The following ANGPT1 variants were observed in gnomAD, a reference collection of about 807,000 sequenced individuals.
ANGPT1 encodes the protein angiopoietin-1.
Under a neutral mutation model 62.2 loss-of-function variants are expected in ANGPT1, and 17 were observed. That is an observed-to-expected ratio of 0.27 (90% CI 0.19 to 0.41). ANGPT1 has a LOEUF of 0.41. ANGPT1 is among the 10% of genes least tolerant of loss of function. ANGPT1 has a pLI of 1.00. For synonymous variants in ANGPT1, 199 were observed against 198.9 expected (o/e 1.00, Z 0.00); for missense variants, 478 against 594.9 (o/e 0.80, Z 2.04).
intron 1 of ANGPT1, among the ~76,000 whole-genome samples, chr8:107,389,700 A>G (rs1377329562): frequency 6.6e-6 from 1 of 152,218 alleles, no homozygotes; most frequent in African/African-American, 2.4e-5. Flanking sequence ...CTCTGTGCAA[A>G]AGAGTAGGTT....
chr8:107,478,709 A>G (rs190847790), intron 1 of ANGPT1, among the ~76,000 whole-genome samples: 2 of 152,276 alleles, frequency 1.3e-5, no homozygotes, highest in African/African-American at 4.8e-5. Flanking sequence ...CCTTGTCAAT[A>G]GTTTTATGTG....
At chr8:107,404,884 T>C (rs997309075) in intron 1 of ANGPT1, among the ~76,000 whole-genome samples, 4 of 152,080 alleles carry the variant, frequency 2.6e-5, no homozygotes, top group Admixed American at 6.6e-5. Flanking sequence ...AGGGAAATCA[T>C]TGTGATTGTT....
chr8:107,412,189 A>G (rs1810600955), intron 1 of ANGPT1, among the ~76,000 whole-genome samples: 1 of 152,096 alleles, frequency 6.6e-6, no homozygotes, highest in Admixed American at 6.6e-5. Context: ...ACAAGGGGAG[A>G]TTTTCGCAGA....
At chr8:107,405,129 T>C (rs1343949472) in intron 1 of ANGPT1, among the ~76,000 whole-genome samples, 1 of 151,968 alleles carries the variant, frequency 6.6e-6, no homozygotes, top group East Asian at 1.9e-4. Flanking sequence ...AAAAATCACC[T>C]ACAATTATAC....
intron 6 of ANGPT1, among the ~76,000 whole-genome samples, chr8:107,285,193 T>C (rs967226934): frequency 6.6e-6 from 1 of 152,138 alleles, no homozygotes; most frequent in African/African-American, 2.4e-5. Context: ...GTTAACAAAA[T>C]ATTTTGAATA....
chr8:107,423,068 G>A (rs1026477309), intron 1 of ANGPT1, among the ~76,000 whole-genome samples: 1 of 152,042 alleles, frequency 6.6e-6, no homozygotes, highest in African/African-American at 2.4e-5. Context: ...GCTGGAGTCC[G>A]CTCATACCTT....
At chr8:107,436,676 A>G (rs1029153391) in intron 1 of ANGPT1, among the ~76,000 whole-genome samples, 11 of 152,276 alleles carry the variant, frequency 7.2e-5, no homozygotes, top group Admixed American at 2.6e-4. Flanking sequence ...CTCACTAATG[A>G]TGTTGTTAAA....
At chr8:107,411,369 A>G (rs1335133080) in intron 1 of ANGPT1, among the ~76,000 whole-genome samples, 1 of 152,136 alleles carries the variant, frequency 6.6e-6, no homozygotes, top group Non-Finnish European at 1.5e-5. Flanking sequence ...TTTATTCTTA[A>G]TTCCACAAAT....
At chr8:107,444,707 G>C (rs2130439656) in intron 1 of ANGPT1, among the ~76,000 whole-genome samples, 2 of 152,258 alleles carry the variant, frequency 1.3e-5, no homozygotes, top group Admixed American at 1.3e-4. Context: ...TACAGGTTCA[G>C]GCATCAGTTT....
intron 1 of ANGPT1, among the ~76,000 whole-genome samples, chr8:107,369,544 G>T (rs572869777): frequency 2.0e-5 from 3 of 152,258 alleles, no homozygotes; most frequent in South Asian, 2.1e-4. Context: ...CTCTCAGCCT[G>T]TCTTGGTTTC....
intron 1 of ANGPT1, among the ~76,000 whole-genome samples, chr8:107,390,960 C>T (rs72672585): frequency 0.019 from 2,917 of 152,242 alleles, 38 homozygotes; most frequent in Non-Finnish European, 0.028. Flanking sequence ...TATTAAATAA[C>T]TCCATTATTA....
intron 1 of ANGPT1, among the ~76,000 whole-genome samples, chr8:107,363,947 T>C (rs959453391): frequency 2.0e-5 from 3 of 152,192 alleles, no homozygotes; most frequent in African/African-American, 4.8e-5. Flanking sequence ...TATAAAAATA[T>C]AGTCCCCTGA....
rs953253994 is a variant in ANGPT1, at chr8:107,432,940, C to T, written c.297+64322G>A. On this transcript the variant is annotated intron_variant, in intron 1 of 8. Coordinates refer to ENST00000517746, the MANE Select transcript of ANGPT1 (RefSeq NM_001146.5). ...ACATTTATTTCTGTAGGCATTCATT[C>T]CAGTTTGCAATTTATAATTTGTTCT... Among the ~76,000 whole-genome samples the T allele has an allele frequency of 1.6e-4, 25 of 152,006 alleles. 1 individual carries two copies. Among genetic ancestry groups the T allele is most frequent in the Non-Finnish European group, 2.1e-4 (14 of 68,012 alleles).
At chr8:107,445,050 C>T (rs1303090638) in intron 1 of ANGPT1, among the ~76,000 whole-genome samples, 1 of 152,178 alleles carries the variant, frequency 6.6e-6, no homozygotes, top group African/African-American at 2.4e-5. Flanking sequence ...AGGGGGCTGA[C>T]AATACATACT....
chr8:107,308,208 T>C (rs1235182720), intron 4 of ANGPT1, among the ~76,000 whole-genome samples: 1 of 140,738 alleles, frequency 7.1e-6, no homozygotes, highest in Non-Finnish European at 1.6e-5. Flanking sequence ...GAAAAAGATC[T>C]TCCATGAACG....
intron 1 of ANGPT1, among the ~76,000 whole-genome samples, chr8:107,492,269 G>C (rs1259636316): frequency 6.6e-6 from 1 of 152,028 alleles, no homozygotes; most frequent in Non-Finnish European, 1.5e-5. Context: ...CAATCTCTAG[G>C]CATAAATTGT....
intron 1 of ANGPT1, among the ~76,000 whole-genome samples, chr8:107,379,719 G>A (rs979865503): frequency 6.6e-5 from 10 of 152,036 alleles, no homozygotes; most frequent in Non-Finnish European, 1.5e-4. Context: ...AATTATTTGT[G>A]TACATATTTT....
intron 7 of ANGPT1, among the ~76,000 whole-genome samples, chr8:107,281,293 A>G (rs1241569112): frequency 6.6e-6 from 1 of 152,196 alleles, no homozygotes; most frequent in Non-Finnish European, 1.5e-5. Flanking sequence ...TCCATGATAG[A>G]ATATGTTTTA....
rs532180260 is a variant in ANGPT1 at position 107,291,226 on chromosome 8, T to A, written c.1038+2710A>T. Reference sequence around the variant, plus strand: ...TCTTGGATAATAAAAATAACTACTGTTCACTGAAAATTCAGTGTGCCAAAG... The same window carrying A: ...TCTTGGATAATAAAAATAACTACTGATCACTGAAAATTCAGTGTGCCAAAG... On this transcript the variant is annotated intron_variant, in intron 6 of 8. Transcript: ENST00000517746. Among the ~76,000 whole-genome samples the A allele has an allele frequency of 7.9e-5, 12 of 152,288 alleles. No individual in the cohort carries two copies. The East Asian group carries it at 2.3e-3, about 29-fold the overall frequency.
Sources: allele counts gnomAD v4.1 joint callset (sites outside exome capture counted in the v4.1 genomes callset), GRCh38; gene constraint gnomAD v4.1.1; transcripts MANE v1.5; gene names NCBI Gene and HGNC (gene_info 2026-07-23, HGNC 2026-07-21).